The following TENM4 variants were observed in gnomAD, a reference collection of about 807,000 sequenced individuals.
TENM4 encodes the protein teneurin-4.
In TENM4, 82 loss-of-function variants were observed where a neutral mutation model predicts 243.3. The observed-to-expected ratio is 0.34, with a 90% confidence interval of 0.28 to 0.40. TENM4 has a LOEUF of 0.40. Ranked by LOEUF, TENM4 falls within the 10% of genes least tolerant of loss-of-function variation. The probability of loss-of-function intolerance (pLI) is 1.00; values close to 1 mark genes in which losing one functional copy is unlikely to be tolerated. For synonymous variants in TENM4, 1,412 were observed against 1,456.3 expected (o/e 0.97, Z 0.69); for missense variants, 3,138 against 3,673.3 (o/e 0.85, Z 3.77).
intron 20 of TENM4, 103 bp from the exon 21 acceptor site, chr11:78,732,680 G>A: frequency 1.5e-6 from 2 of 1,339,872 alleles, no homozygotes; most frequent in South Asian, 3.4e-5. Context: ...ACACCAAAGG[G>A]TCTCAGCATT....
At chr11:79,408,374 T>C (rs542176011) in intron 1 of TENM4, among the ~76,000 whole-genome samples, 1 of 152,352 alleles carries the variant, frequency 6.6e-6, no homozygotes, top group Non-Finnish European at 1.5e-5. Flanking sequence ...CGCCAGGTTA[T>C]GAGTTCGTGG....
intron 33 of TENM4, 118 bp downstream of exon 33, chr11:78,661,331 A>T: frequency 7.5e-7 from 1 of 1,332,856 alleles, no homozygotes; most frequent in Non-Finnish European, 1.0e-6. Context: ...TCTGGCAGGC[A>T]CTGTGGAGGC....
At chr11:78,875,375 T>G (rs1859244276) in intron 9 of TENM4, among the ~76,000 whole-genome samples, 1 of 152,166 alleles carries the variant, frequency 6.6e-6, no homozygotes, top group Admixed American at 6.5e-5. Flanking sequence ...AGCTGATTTT[T>G]GTATTTTTAG....
chr11:79,260,566 C>G (rs550135382), intron 2 of TENM4, among the ~76,000 whole-genome samples: 9 of 152,314 alleles, frequency 5.9e-5, no homozygotes, highest in African/African-American at 1.9e-4. Context: ...TGTCTGTTTT[C>G]TGACCAGAGA....
At chr11:79,271,838 G>A (rs889369063) in intron 2 of TENM4, among the ~76,000 whole-genome samples, 1 of 152,136 alleles carries the variant, frequency 6.6e-6, no homozygotes, top group Non-Finnish European at 1.5e-5. Flanking sequence ...TTCCTTAAGT[G>A]ACCAAACTCT....
chr11:78,939,623 A>G (rs1856849411), intron 6 of TENM4, among the ~76,000 whole-genome samples: 1 of 152,186 alleles, frequency 6.6e-6, no homozygotes. Flanking sequence ...TCCATTCTCT[A>G]TGTTCCCATA....
At position 79,201,502 on chromosome 11, in the gene TENM4, CAAA is replaced by C. The variant is rs11418108; in HGVS notation, c.-163+14303_-163+14305del. Among the ~76,000 whole-genome samples the C allele has an allele frequency of 9.1e-3, 1,329 of 145,592 alleles. 18 individuals carry two copies. The highest frequency in any genetic ancestry group is 0.032 in the African/African-American group (1,255 of 39,580). On this transcript the variant is annotated intron_variant, in intron 3 of 33. Coordinates refer to ENST00000278550, the MANE Select transcript of TENM4 (RefSeq NM_001098816.3). ...GAAGGTCAAAAGAGAAATAACCAGG[CAAA>C]AAAAAAAAAAATTCTGAAAATCATA...
At chr11:79,378,294 G>C (rs955366841) in intron 1 of TENM4, among the ~76,000 whole-genome samples, 9 of 152,174 alleles carry the variant, frequency 5.9e-5, no homozygotes, top group Admixed American at 3.9e-4. Context: ...GGGGCCTGGG[G>C]CCCTTCTCTG....
At chr11:79,430,991 A>G (rs1859156175) in intron 1 of TENM4, among the ~76,000 whole-genome samples, 1 of 152,246 alleles carries the variant, frequency 6.6e-6, no homozygotes, top group African/African-American at 2.4e-5. Flanking sequence ...TCTCTGAGGC[A>G]TTCTATAGCA....
At chr11:79,203,049 C>T (rs1008281584) in intron 3 of TENM4, among the ~76,000 whole-genome samples, 1 of 152,062 alleles carries the variant, frequency 6.6e-6, no homozygotes, top group Non-Finnish European at 1.5e-5. Flanking sequence ...TAGTAAACAG[C>T]AAAACTGGGA....
intron 6 of TENM4, among the ~76,000 whole-genome samples, chr11:78,999,222 A>T (rs924114694): frequency 6.6e-6 from 1 of 152,226 alleles, no homozygotes; most frequent in Non-Finnish European, 1.5e-5. Flanking sequence ...CTAAACAAAG[A>T]TAAACAATGG....
At position 79,183,886 on chromosome 11, in the gene TENM4, AC is replaced by A. The variant is rs576497879; in HGVS notation, c.-163+31921del. 1.3e-5 allele frequency among the ~76,000 whole-genome samples: 2 copies of A among 152,274 alleles called. 1 individual carries two copies. Among genetic ancestry groups the A allele is most frequent in the South Asian group, 4.2e-4 (2 of 4,814 alleles). Reference sequence around the variant, plus strand: ...TTGGCAAAAATGTAGAAAAATTGGAACCCTTGTGCATTACTGGTGGGAATGT... The same window carrying A: ...TTGGCAAAAATGTAGAAAAATTGGAACCTTGTGCATTACTGGTGGGAATGT... On this transcript the variant is annotated intron_variant, in intron 3 of 33. Transcript: ENST00000278550.
intron 1 of TENM4, among the ~76,000 whole-genome samples, chr11:79,345,243 T>A (rs372631142): frequency 4.8e-4 from 73 of 152,350 alleles, no homozygotes; most frequent in African/African-American, 1.6e-3. Flanking sequence ...TTCTGTTTTA[T>A]TCTTCTCTAA....
intron 1 of TENM4, among the ~76,000 whole-genome samples, chr11:79,411,360 C>G (rs1565335565): frequency 6.6e-6 from 1 of 152,222 alleles, no homozygotes; most frequent in Non-Finnish European, 1.5e-5. Flanking sequence ...ATGCCCTAGG[C>G]ACTATCCCAC....
At chr11:79,015,089 A>G (rs757337378) in intron 6 of TENM4, among the ~76,000 whole-genome samples, 2 of 152,208 alleles carry the variant, frequency 1.3e-5, no homozygotes, top group Admixed American at 6.5e-5. Flanking sequence ...TTGGGAAAAA[A>G]AGTCTCTGTA....
intron 2 of TENM4, among the ~76,000 whole-genome samples, chr11:79,235,771 C>T (rs759519618): frequency 1.7e-4 from 26 of 152,114 alleles, no homozygotes; most frequent in East Asian, 1.9e-4. Context: ...TCTATGGAAA[C>T]GACTCTTTTC....
chr11:79,237,129 T>C (rs895715429), intron 2 of TENM4, among the ~76,000 whole-genome samples: 3 of 152,318 alleles, frequency 2.0e-5, no homozygotes, highest in Non-Finnish European at 4.4e-5. Context: ...ACTAAGAACA[T>C]TGACTGAGCC....
chr11:79,169,271 T>C (rs1862986598), intron 3 of TENM4, among the ~76,000 whole-genome samples: 2 of 152,218 alleles, frequency 1.3e-5, no homozygotes, highest in Admixed American at 1.3e-4. Context: ...CAGCAATAGA[T>C]GAGGGATACC....
chr11:78,699,834 T>G (rs1859062769), intron 28 of TENM4, among the ~76,000 whole-genome samples: 1 of 152,198 alleles, frequency 6.6e-6, no homozygotes, highest in African/African-American at 2.4e-5. Flanking sequence ...GGAGTGACTT[T>G]GGGAACTAAT....
Sources: gnomAD v4.1 joint callset for allele counts (sites outside exome capture counted in the v4.1 genomes callset) on GRCh38, gnomAD v4.1.1 for gene constraint, MANE v1.5 for transcripts, NCBI Gene and HGNC (gene_info 2026-07-23, HGNC 2026-07-21) for gene names.